Variants in SCUBE2 observed in about 807,000 individuals in gnomAD.
SCUBE2 encodes the protein signal peptide, CUB and EGF-like domain-containing protein 2.
Under a neutral mutation model 125.9 loss-of-function variants are expected in SCUBE2, and 114 were observed. The observed-to-expected ratio is 0.91, with a 90% CI of 0.78 to 1.06. The LOEUF is 1.06. Among genes scored for constraint, SCUBE2 ranks in the 50% least tolerant of loss-of-function variants. The pLI, the probability that SCUBE2 is intolerant of heterozygous loss-of-function variation, is 0.00. For synonymous variants in SCUBE2, 459 were observed against 492.9 expected (o/e 0.93, Z 0.91); for missense variants, 1,255 against 1,301.8 (o/e 0.96, Z 0.55).
Position 9,050,469 on chromosome 11 carries a change from G to A in SCUBE2, c.1639+137C>T, listed in dbSNP as rs1363929148. ...TCTTGGGATGAGTCCCTGGAAGTTGGGGATGGTTCAGTTCCATCTGCAGTG... is the reference window on the plus strand; with the variant it reads ...TCTTGGGATGAGTCCCTGGAAGTTGAGGATGGTTCAGTTCCATCTGCAGTG... On this transcript the variant is annotated intron_variant, in intron 14 of 22. Coordinates refer to ENST00000649792, the MANE Select transcript of SCUBE2 (RefSeq NM_001367977.2). The A allele has an allele frequency of 5.9e-6, 4 of 673,350 alleles. No homozygotes were observed. In the East Asian group the frequency reaches 7.7e-5, roughly 13 times the overall value. 41.7% of individuals were successfully genotyped at this position (673,350 alleles called of 1,614,324 possible).
At chr11:9,068,861 T>C (rs11606516) in intron 5 of SCUBE2, among the ~76,000 whole-genome samples, 9,904 of 152,292 alleles carry the variant, frequency 0.065, 357 homozygotes, top group East Asian at 0.11. Context: ...AGGTAGCTAT[T>C]ATGCTTATCC....
At chr11:9,056,194 T>C (rs1290105166) in intron 9 of SCUBE2, among the ~76,000 whole-genome samples, 1 of 152,226 alleles carries the variant, frequency 6.6e-6, no homozygotes, top group Admixed American at 6.5e-5. Flanking sequence ...CAGGGCTAAT[T>C]TAAAATGTTT....
At chr11:9,052,074 G>C (rs1858470998) in intron 13 of SCUBE2, among the ~76,000 whole-genome samples, 1 of 152,192 alleles carries the variant, frequency 6.6e-6, no homozygotes, top group Admixed American at 6.5e-5. Flanking sequence ...GAGAATAATA[G>C]TAAAATTTCC....
Position 9,021,155 on chromosome 11 carries a change from G to A in SCUBE2, c.2977C>T (p.Pro993Ser), listed in dbSNP as rs1156923623. The change falls in exon 23 of 23, where the codon CCC (proline) becomes TCC (serine). Residue 993 changes from proline to serine, a missense_variant. Pro to Ser is a moderately conservative substitution (Grantham distance 74). Coordinates refer to ENST00000649792, the MANE Select transcript of SCUBE2 (RefSeq NM_001367977.2). ...IKALFDVLAH[P>S]QNYFKYTAQE... ...GCTGTGTACTTGAAATAGTTCTGGG[G>A]ATGGGCCAGGACATCAAACAGAGCC... 1.9e-6 allele frequency: 3 copies of A among 1,611,822 alleles called. No individual in the cohort carries two copies. Among genetic ancestry groups the A allele is most frequent in the Non-Finnish European group, 2.5e-6 (3 of 1,178,922 alleles).
At chr11:9,037,262 A>G (rs764249527) in intron 16 of SCUBE2, among the ~76,000 whole-genome samples, 3 of 152,172 alleles carry the variant, frequency 2.0e-5, no homozygotes, top group Non-Finnish European at 4.4e-5. Context: ...CTTCACTATC[A>G]CAGCAAAGCT....
rs566063397 is a variant in SCUBE2 at position 9,024,479 on chromosome 11, C to T, written c.2854+1223G>A. On this transcript the variant is annotated intron_variant, in intron 21 of 22. Transcript: ENST00000649792. Reference sequence around the variant, plus strand: ...TAGGAAAGCCATAGAATATTGTCTTCCCAAACAATTTTGGCACTTGTCATC... The same window carrying T: ...TAGGAAAGCCATAGAATATTGTCTTTCCAAACAATTTTGGCACTTGTCATC... 5.9e-5 allele frequency: 69 copies of T among 1,169,162 alleles called. 1 individual carries two copies. The South Asian group carries it at 8.2e-4, about 14-fold the overall frequency. 72.4% of individuals were successfully genotyped at this position (1,169,162 alleles called of 1,614,324 possible).
At chr11:9,028,727 G>A (rs1228233441) in intron 19 of SCUBE2, among the ~76,000 whole-genome samples, 1 of 152,208 alleles carries the variant, frequency 6.6e-6, no homozygotes, top group Non-Finnish European at 1.5e-5. Flanking sequence ...CCATGGGGCG[G>A]AGAATTGCCT....
At chr11:9,062,012 G>C (rs906732578) in intron 7 of SCUBE2, among the ~76,000 whole-genome samples, 2 of 152,208 alleles carry the variant, frequency 1.3e-5, no homozygotes, top group African/African-American at 2.4e-5. Flanking sequence ...ACTCCACATA[G>C]TCATGTGACT....
chr11:9,051,430 C>T (rs997842519), intron 13 of SCUBE2, among the ~76,000 whole-genome samples: 1 of 152,134 alleles, frequency 6.6e-6, no homozygotes, highest in Admixed American at 6.5e-5. Context: ...ACAAGCCCGT[C>T]GTGGGAGGAC....
chr11:9,056,816 T>A (rs1859139070), intron 9 of SCUBE2, among the ~76,000 whole-genome samples: 1 of 152,218 alleles, frequency 6.6e-6, no homozygotes, highest in Non-Finnish European at 1.5e-5. Context: ...AGTGCCGCAC[T>A]CAGTCGAAGC....
intron 16 of SCUBE2, among the ~76,000 whole-genome samples, chr11:9,046,901 A>T (rs897720617): frequency 7.2e-5 from 11 of 152,330 alleles, no homozygotes; most frequent in Non-Finnish European, 1.3e-4. Flanking sequence ...AGCTTTGCTT[A>T]CTTAGAAATA....
At chr11:9,060,366 C>T (rs762581987) in intron 8 of SCUBE2, 42 bp downstream of exon 8, 3 of 1,490,760 alleles carry the variant, frequency 2.0e-6, no homozygotes, top group African/African-American at 2.8e-5. Flanking sequence ...GGCCCTCCCT[C>T]CATAACAGGG....
At chr11:9,062,332 C>A (rs1395041589) in intron 7 of SCUBE2, among the ~76,000 whole-genome samples, 1 of 152,218 alleles carries the variant, frequency 6.6e-6, no homozygotes, top group Non-Finnish European at 1.5e-5. Context: ...GGTTGAAGGA[C>A]TCCTCTCCGG....
At chr11:9,060,631 C>T (rs1859587537) in intron 7 of SCUBE2, 107 bp from the exon 8 acceptor site, 2 of 855,068 alleles carry the variant, frequency 2.3e-6, no homozygotes, top group African/African-American at 1.7e-5. Flanking sequence ...TGGTCATACC[C>T]CAAGTCTCTG....
At position 9,019,574 on chromosome 11, in the gene SCUBE2, GC is replaced by G. The variant is rs1222953814; in HGVS notation, c.*1470del. ...AGAAATCTGAAAATGAATATTTAGG[GC>G]CCATCCAAATAAAGAAGTTTGATTA... On this transcript the variant is annotated 3_prime_UTR_variant, in exon 23 of 23. Transcript: ENST00000649792. Among the ~76,000 whole-genome samples the G allele has an allele frequency of 1.1e-4, 17 of 151,594 alleles. No homozygotes were observed. Among genetic ancestry groups the G allele is most frequent in the Non-Finnish European group, 2.2e-4 (15 of 67,946 alleles).
At chr11:9,066,123 T>C in intron 6 of SCUBE2, 143 bp from the exon 7 acceptor site, 1 of 629,050 alleles carries the variant, frequency 1.6e-6, no homozygotes, top group Non-Finnish European at 2.8e-6. Flanking sequence ...TGTGTTGTAA[T>C]GAGGCTCTGT....
intron 22 of SCUBE2, among the ~76,000 whole-genome samples, 189 bp downstream of exon 22, chr11:9,021,687 T>C (rs745886978): frequency 6.6e-6 from 1 of 152,200 alleles, no homozygotes; most frequent in Admixed American, 6.5e-5. Context: ...CAACTTCACT[T>C]GACAACACTA....
At position 9,091,354 on chromosome 11, in the gene SCUBE2, C is replaced by T. The variant is rs1862707823; in HGVS notation, c.133+42G>A. On this transcript the variant is annotated intron_variant, in intron 1 of 22. Coordinates refer to ENST00000649792, the MANE Select transcript of SCUBE2 (RefSeq NM_001367977.2). This position sits in a 1 kb window ranked among gnomAD's most constrained non-coding sequence, Gnocchi z 8.5. ...GGGGACCTAAACACTCTTCCTGGCC[C>T]TGCCTGCTGTGCCAGGTGCGCCCCC... is the stretch of plus-strand genomic sequence containing the variant. The T allele has an allele frequency of 3.1e-6, 4 of 1,283,850 alleles. No individual in the cohort carries two copies. The African/African-American group carries it at 6.2e-5, about 20-fold the overall frequency. 79.5% of individuals were successfully genotyped at this position (1,283,850 alleles called of 1,614,324 possible).
Position 9,050,685 on chromosome 11 carries a change from T to A in SCUBE2, c.1560A>T (p.Val520=). The A allele has an allele frequency of 6.2e-7, 1 of 1,614,194 alleles. No homozygotes were observed. ...FGDVTTIRTS[V]TFKLNEGKCS... ...ACTTGCCTTCATTTAGCTTAAAGGT[T>A]ACACTTGTCCTGATGGTGGTGACAT... The change falls in exon 14 of 23, where the codon GTA becomes GTT. Residue 520 remains valine, a synonymous_variant. Transcript: ENST00000649792.
Sources: allele counts gnomAD v4.1 joint callset (sites outside exome capture counted in the v4.1 genomes callset), GRCh38; gene constraint gnomAD v4.1.1; non-coding constraint Gnocchi (gnomAD v3.1); transcripts MANE v1.5; gene names NCBI Gene and HGNC (gene_info 2026-07-23, HGNC 2026-07-21).